The following LRRC28 variants were observed in gnomAD, a reference collection of about 807,000 sequenced individuals.
The protein encoded by LRRC28 is leucine-rich repeat-containing protein 28.
A neutral mutation model predicts 45.7 loss-of-function variants in LRRC28; 39 were observed. That is an observed-to-expected ratio of 0.85 (90% confidence interval 0.66 to 1.12). The LOEUF (loss-of-function observed/expected upper bound fraction) is 1.12, where lower values mean the gene tolerates loss of function less well. LRRC28 is among the 50% of genes most tolerant of loss of function. The pLI is 0.00. For synonymous variants in LRRC28, 206 were observed against 178.8 expected (o/e 1.15, Z -1.22); for missense variants, 435 against 438.5 (o/e 0.99, Z 0.07).
At chr15:99,279,162 T>G (rs534106284) in intron 3 of LRRC28, among the ~76,000 whole-genome samples, 20 of 152,372 alleles carry the variant, frequency 1.3e-4, no homozygotes, top group African/African-American at 4.8e-4. Context: ...TATGTGACCT[T>G]TTGTATCTGG....
chr15:99,263,040 T>C (rs2081240823), intron 2 of LRRC28, among the ~76,000 whole-genome samples: 1 of 151,756 alleles, frequency 6.6e-6, no homozygotes, highest in African/African-American at 2.4e-5. Flanking sequence ...CCGGGTGCAG[T>C]GGCTCATGCC....
chr15:99,293,593 C>CCAAAAAAAAAAAAAAAAAAAAAAA (rs747700282), intron 5 of LRRC28, among the ~76,000 whole-genome samples: 12 of 44,080 alleles, frequency 2.7e-4, no homozygotes, highest in Non-Finnish European at 4.4e-4. Context: ...AACTCTGTCA[C>CCAAAAAAAAAAAAAAAAAAAAAAA]AAAAAAAAAA....
At chr15:99,309,751 TC>T (rs1477504287) in intron 5 of LRRC28, among the ~76,000 whole-genome samples, 1 of 152,204 alleles carries the variant, frequency 6.6e-6, no homozygotes, top group East Asian at 1.9e-4. Flanking sequence ...TTCCACAATT[TC>T]TTATCTTAGG....
chr15:99,345,887 A>C (rs1228232326), intron 6 of LRRC28, among the ~76,000 whole-genome samples: 2 of 152,234 alleles, frequency 1.3e-5, no homozygotes, highest in African/African-American at 4.8e-5. Flanking sequence ...AGCTCTGCTC[A>C]CATGCCTTGT....
At chr15:99,273,439 G>T (rs746035038) in intron 2 of LRRC28, among the ~76,000 whole-genome samples, 1 of 150,190 alleles carries the variant, frequency 6.7e-6, no homozygotes, top group Non-Finnish European at 1.5e-5. Context: ...GGGTTTCACC[G>T]TGTTAGACAG....
chr15:99,275,744 A>G (rs961232698), intron 2 of LRRC28, among the ~76,000 whole-genome samples: 5 of 152,100 alleles, frequency 3.3e-5, no homozygotes, highest in African/African-American at 2.4e-5. Context: ...CTCAGCTTCC[A>G]GTTACATCAC....
intron 3 of LRRC28, among the ~76,000 whole-genome samples, chr15:99,286,457 A>G (rs1045369948): frequency 2.0e-4 from 31 of 152,222 alleles, no homozygotes; most frequent in African/African-American, 7.5e-4. Flanking sequence ...AAAGTACAAT[A>G]AATAAAACCA....
intron 2 of LRRC28, among the ~76,000 whole-genome samples, chr15:99,265,723 C>A (rs1187251784): frequency 1.3e-5 from 2 of 152,106 alleles, no homozygotes; most frequent in Non-Finnish European, 2.9e-5. Context: ...GGTTTGGTAG[C>A]AAAACTCAGG....
intron 6 of LRRC28, among the ~76,000 whole-genome samples, chr15:99,351,042 C>T (rs141410766): frequency 1.1e-3 from 169 of 152,242 alleles, no homozygotes; most frequent in African/African-American, 3.6e-3. Flanking sequence ...TCTAGCAATC[C>T]GCCTGTCTTG....
In LRRC28 at chr15:99,333,894, A is replaced by G. The variant is rs371208978; in HGVS notation, c.386-29A>G. On this transcript the variant is annotated intron_variant, in intron 5 of 9. Transcript: ENST00000301981. ...GTTTATTTCAGTTCATAAGGATGCA[A>G]TTTATCCTAATTTTGATTTTGGTTG... 405 of 1,609,628 alleles carry G rather than the reference A, an allele frequency of 2.5e-4. 2 individuals carry two copies. The highest frequency in any genetic ancestry group is 6.9e-4 in the South Asian group (63 of 90,952).
chr15:99,356,631 C>T (rs1173284063), intron 7 of LRRC28, among the ~76,000 whole-genome samples: 1 of 152,146 alleles, frequency 6.6e-6, no homozygotes, highest in African/African-American at 2.4e-5. Flanking sequence ...ACGTCAGTAA[C>T]AAACATGTTT....
At chr15:99,277,867 G>A (rs2081661266) in intron 3 of LRRC28, among the ~76,000 whole-genome samples, 1 of 151,894 alleles carries the variant, frequency 6.6e-6, no homozygotes, top group Admixed American at 6.6e-5. Flanking sequence ...GTACTTTATA[G>A]TTTTCTTTAA....
chr15:99,327,075 T>G (rs1482714857), intron 5 of LRRC28, among the ~76,000 whole-genome samples: 1 of 152,328 alleles, frequency 6.6e-6, no homozygotes, highest in East Asian at 1.9e-4. Flanking sequence ...TCAGTTTGTT[T>G]TTTTTTAATT....
At chr15:99,282,873 T>TA (rs1347751077) in intron 3 of LRRC28, among the ~76,000 whole-genome samples, 2 of 152,236 alleles carry the variant, frequency 1.3e-5, no homozygotes, top group African/African-American at 4.8e-5. Flanking sequence ...TGACTGAAAG[T>TA]AGAAGTCCTG....
chr15:99,272,567 C>T (rs1041407462), intron 2 of LRRC28, among the ~76,000 whole-genome samples: 5 of 152,140 alleles, frequency 3.3e-5, no homozygotes, highest in African/African-American at 9.7e-5. Flanking sequence ...TTAAAACATT[C>T]CCATTTAAGT....
chr15:99,319,754 T>C (rs1345913300), intron 5 of LRRC28, among the ~76,000 whole-genome samples: 3 of 151,818 alleles, frequency 2.0e-5, no homozygotes, highest in East Asian at 3.9e-4. Context: ...TTAAATCAAA[T>C]TCATTTTTCT....
At chr15:99,359,958 A>G (rs1208198823) in intron 7 of LRRC28, among the ~76,000 whole-genome samples, 1 of 151,942 alleles carries the variant, frequency 6.6e-6, no homozygotes, top group East Asian at 1.9e-4. Context: ...AGACTTCCCC[A>G]TTTCTGTTTC....
At chr15:99,359,813 A>G (rs1460603250) in intron 7 of LRRC28, among the ~76,000 whole-genome samples, 1 of 152,246 alleles carries the variant, frequency 6.6e-6, no homozygotes, top group East Asian at 1.9e-4. Context: ...GATTGGCATA[A>G]AAGATTATGT....
At chr15:99,293,625 A>AAAAAAAAAAAAAAAAT (rs2082189835) in intron 5 of LRRC28, among the ~76,000 whole-genome samples, 1 of 139,812 alleles carries the variant, frequency 7.2e-6, no homozygotes, top group Non-Finnish European at 1.5e-5. Context: ...AAAAAAAAAA[A>AAAAAAAAAAAAAAAAT]AAAAAAAACC....
Sources: gnomAD v4.1 joint callset for allele counts (sites outside exome capture counted in the v4.1 genomes callset) on GRCh38, gnomAD v4.1.1 for gene constraint, MANE v1.5 for transcripts, NCBI Gene and HGNC (gene_info 2026-07-23, HGNC 2026-07-21) for gene names.